Variants in RNF180 observed in about 807,000 individuals in gnomAD.
The protein encoded by RNF180 is ring finger protein 180.
RNF180 carries 38 observed loss-of-function variants against 59.2 expected under a neutral mutation model. The observed-to-expected ratio is 0.64, with a 90% CI of 0.50 to 0.84. RNF180 has a LOEUF of 0.84. Ranked by LOEUF, RNF180 falls within the 40% of genes least tolerant of loss-of-function variation. The pLI is 0.00. For synonymous variants in RNF180, 262 were observed against 240.3 expected (o/e 1.09, Z -0.84); for missense variants, 705 against 700.9 (o/e 1.01, Z -0.07).
At chr5:64,254,521 G>A (rs956070029) in intron 5 of RNF180, among the ~76,000 whole-genome samples, 1 of 152,080 alleles carries the variant, frequency 6.6e-6, no homozygotes, top group Admixed American at 6.6e-5. Context: ...TAAAAATTTA[G>A]GAGATTGGGG....
chr5:64,168,447 T>C (rs935498250), intron 1 of RNF180, among the ~76,000 whole-genome samples: 3 of 152,236 alleles, frequency 2.0e-5, no homozygotes, highest in Non-Finnish European at 4.4e-5. Context: ...ACTTGTAGGC[T>C]GAAGTTCTGT....
At chr5:64,359,276 C>G (rs1297546942) in intron 7 of RNF180, among the ~76,000 whole-genome samples, 2 of 147,200 alleles carry the variant, frequency 1.4e-5, no homozygotes, top group Non-Finnish European at 3.0e-5. Context: ...TCCTATTTCT[C>G]CACATCCTCT....
At chr5:64,319,758 G>C (rs1000172451) in intron 5 of RNF180, among the ~76,000 whole-genome samples, 2 of 152,178 alleles carry the variant, frequency 1.3e-5, no homozygotes, top group Non-Finnish European at 2.9e-5. Flanking sequence ...TGAGTGAGGA[G>C]TGGCATACAA....
chr5:64,360,751 G>T (rs74778555), intron 7 of RNF180, among the ~76,000 whole-genome samples: 7,925 of 151,730 alleles, frequency 0.052, 667 homozygotes, highest in African/African-American at 0.18. Flanking sequence ...GGTGGCAGAA[G>T]ACACAAGACT....
chr5:64,335,204 T>C (rs1365327236), intron 7 of RNF180, among the ~76,000 whole-genome samples: 6 of 152,186 alleles, frequency 3.9e-5, no homozygotes, highest in African/African-American at 1.2e-4. Flanking sequence ...TTGTATTTTT[T>C]TGTTGTTTAA....
At position 64,369,666 on chromosome 5, in the gene RNF180, C is replaced by T; in HGVS notation, c.1631C>T (p.Ala544Val). ...PVTRRQFPHG[A>V]HRMDYLHFED... The stretch of plus-strand genomic sequence containing the variant: ...ACAAGAAGGCAGTTCCCACACGGTG[C>T]ACACAGGATGGATTACCTGCACTTT... The change falls in exon 8 of 8, where the codon GCA (alanine) becomes GTA (valine). Residue 544 changes from alanine (A) to valine (V), a missense_variant. Coordinates refer to ENST00000389100, the MANE Select transcript of RNF180 (RefSeq NM_001113561.2). 6.5e-7 allele frequency: 1 copy of T among 1,544,458 alleles called. No individual in the cohort carries two copies. The highest frequency in any genetic ancestry group is 2.0e-5 in the Admixed American group (1 of 49,172).
At chr5:64,350,742 G>A (rs1391718991) in intron 7 of RNF180, among the ~76,000 whole-genome samples, 1 of 151,944 alleles carries the variant, frequency 6.6e-6, no homozygotes, top group African/African-American at 2.4e-5. Flanking sequence ...TATTTCTGAG[G>A]GCTCTGTTCT....
At chr5:64,241,486 A>C (rs183497748) in intron 5 of RNF180, among the ~76,000 whole-genome samples, 45 of 152,352 alleles carry the variant, frequency 3.0e-4, no homozygotes, top group African/African-American at 1.0e-3. Context: ...CAGACATTTT[A>C]GTACATAAGG....
intron 5 of RNF180, among the ~76,000 whole-genome samples, chr5:64,306,356 G>A (rs1050228133): frequency 2.0e-5 from 3 of 151,590 alleles, no homozygotes; most frequent in African/African-American, 7.3e-5. Flanking sequence ...AACTGTGGAA[G>A]CTTTAACAAA....
intron 5 of RNF180, among the ~76,000 whole-genome samples, chr5:64,270,112 CTTT>C (rs776493329): frequency 3.3e-5 from 5 of 151,958 alleles, no homozygotes; most frequent in Non-Finnish European, 5.9e-5. Flanking sequence ...ATTCTAATAT[CTTT>C]TCATAGAATA....
intron 5 of RNF180, among the ~76,000 whole-genome samples, chr5:64,246,498 C>G (rs1480664386): frequency 6.6e-6 from 1 of 152,142 alleles, no homozygotes; most frequent in Non-Finnish European, 1.5e-5. Flanking sequence ...TGCAAATAAA[C>G]TAGAAAATCT....
At chr5:64,202,911 G>A (rs768245574) in intron 2 of RNF180, among the ~76,000 whole-genome samples, 2 of 152,192 alleles carry the variant, frequency 1.3e-5, no homozygotes, top group Non-Finnish European at 2.9e-5. Context: ...AAGAAGTGCA[G>A]CTGCAATTGG....
chr5:64,268,985 T>C (rs1174147294), intron 5 of RNF180, among the ~76,000 whole-genome samples: 1 of 152,152 alleles, frequency 6.6e-6, no homozygotes, highest in Non-Finnish European at 1.5e-5. Context: ...CTCTACCTTT[T>C]GTTGCATACC....
At chr5:64,293,468 A>G (rs1226127083) in intron 5 of RNF180, among the ~76,000 whole-genome samples, 1 of 151,838 alleles carries the variant, frequency 6.6e-6, no homozygotes, top group African/African-American at 2.4e-5. Flanking sequence ...ATTAAAACAC[A>G]GCTCCTGCTT....
intron 1 of RNF180, among the ~76,000 whole-genome samples, chr5:64,193,768 G>A (rs1751302046): frequency 6.6e-6 from 1 of 152,132 alleles, no homozygotes; most frequent in South Asian, 2.1e-4. Context: ...AGTAATCCCT[G>A]TATGGGCAAT....
At chr5:64,191,254 C>T (rs1751142852) in intron 1 of RNF180, among the ~76,000 whole-genome samples, 2 of 152,090 alleles carry the variant, frequency 1.3e-5, no homozygotes, top group African/African-American at 2.4e-5. Flanking sequence ...CTATCATTAA[C>T]GTTTTGTATT....
At chr5:64,188,517 G>A (rs1317705355) in intron 1 of RNF180, among the ~76,000 whole-genome samples, 1 of 152,056 alleles carries the variant, frequency 6.6e-6, no homozygotes, top group African/African-American at 2.4e-5. Flanking sequence ...AATTATTTAA[G>A]CATTTTATTT....
chr5:64,172,037 T>C (rs2111877250), intron 1 of RNF180, among the ~76,000 whole-genome samples: 1 of 152,348 alleles, frequency 6.6e-6, no homozygotes, highest in African/African-American at 2.4e-5. Context: ...CTTCTTCTTT[T>C]ATAACAGTAA....
intron 1 of RNF180, among the ~76,000 whole-genome samples, chr5:64,188,386 C>T (rs2111986230): frequency 6.6e-6 from 1 of 151,820 alleles, no homozygotes; most frequent in East Asian, 1.9e-4. Flanking sequence ...GTTACAAATA[C>T]ATTATGGTTC....
Sources: allele counts gnomAD v4.1 joint callset (sites outside exome capture counted in the v4.1 genomes callset), GRCh38; gene constraint gnomAD v4.1.1; transcripts MANE v1.5; gene names NCBI Gene and HGNC (gene_info 2026-07-23, HGNC 2026-07-21).